Variants in MACROD2 observed in about 807,000 individuals in gnomAD.
MACROD2 encodes mono-ADP ribosylhydrolase 2.
In MACROD2, 36 loss-of-function variants were observed where a neutral mutation model predicts 70.4. The ratio of observed to expected loss-of-function variants is 0.51; its 90% CI spans 0.39 to 0.68. The LOEUF (loss-of-function observed/expected upper bound fraction) is 0.68. Ranked by LOEUF, MACROD2 falls within the 30% of genes least tolerant of loss-of-function variation. The probability of loss-of-function intolerance (pLI) is 0.00; values close to 1 mark genes in which losing one functional copy is unlikely to be tolerated. For synonymous variants in MACROD2, 172 were observed against 178.8 expected, an observed-to-expected ratio of 0.96 and a Z score of 0.30; for missense variants, 496 against 538.4, an observed-to-expected ratio of 0.92 and a Z score of 0.78.
chr20:15,774,511 A>G (rs538876638), intron 8 of MACROD2, among the ~76,000 whole-genome samples: 2 of 152,118 alleles, frequency 1.3e-5, no homozygotes, highest in Non-Finnish European at 2.9e-5. Flanking sequence ...GATGGGTCCA[A>G]ATTCCCCAAG....
At chr20:15,139,002 C>T (rs573958454) in intron 5 of MACROD2, among the ~76,000 whole-genome samples, 3 of 152,210 alleles carry the variant, frequency 2.0e-5, no homozygotes, top group African/African-American at 4.8e-5. Flanking sequence ...CAGAATTGTA[C>T]CGTAAAAGCA....
chr20:14,906,395 G>T (rs1472774277), intron 5 of MACROD2, among the ~76,000 whole-genome samples: 1 of 152,302 alleles, frequency 6.6e-6, no homozygotes, highest in East Asian at 1.9e-4. Flanking sequence ...TGGGGAGGCT[G>T]AGGCAGGAGA....
intron 5 of MACROD2, among the ~76,000 whole-genome samples, chr20:15,215,536 A>G (rs915730709): frequency 1.3e-4 from 20 of 152,054 alleles, no homozygotes; most frequent in African/African-American, 4.8e-4. Context: ...TTACAAATAA[A>G]ACCCTGATGA....
At chr20:15,360,538 T>C (rs1403139336) in intron 6 of MACROD2, among the ~76,000 whole-genome samples, 1 of 152,168 alleles carries the variant, frequency 6.6e-6, no homozygotes, top group African/African-American at 2.4e-5. Context: ...TGCTTGACTA[T>C]ATGTTATAAA....
intron 15 of MACROD2, among the ~76,000 whole-genome samples, chr20:15,998,228 G>T (rs939212867): frequency 6.6e-6 from 1 of 152,120 alleles, no homozygotes; most frequent in Non-Finnish European, 1.5e-5. Flanking sequence ...TCTTCAATTT[G>T]TTTGGAAGAG....
At chr20:14,322,344 A>T (rs1035186728) in intron 3 of MACROD2, among the ~76,000 whole-genome samples, 5 of 150,496 alleles carry the variant, frequency 3.3e-5, no homozygotes, top group Non-Finnish European at 7.4e-5. Context: ...TGTATTTTAG[A>T]ACATACACAA....
chr20:15,273,661 A>G (rs904863520), intron 6 of MACROD2, among the ~76,000 whole-genome samples: 21 of 152,166 alleles, frequency 1.4e-4, no homozygotes, highest in African/African-American at 4.6e-4. Context: ...ATGGGTAGCT[A>G]AGGTGACTGA....
rs548445522 is a variant in MACROD2, at chr20:15,430,833, A to G, written c.541-572A>G. On this transcript the variant is annotated intron_variant, in intron 6 of 17. Coordinates refer to ENST00000684519, the MANE Select transcript of MACROD2 (RefSeq NM_001351661.2). ...TAAATAGTTTTTTGATTTTCACAGA[A>G]TGCTTTTGTTGAATTTTACCTAAAA... is the stretch of plus-strand genomic sequence containing the variant. 2.0e-5 allele frequency among the ~76,000 whole-genome samples: 3 copies of G among 152,074 alleles called. No homozygotes were observed. In the South Asian group the frequency reaches 6.2e-4, roughly 31 times the overall value.
intron 7 of MACROD2, among the ~76,000 whole-genome samples, chr20:15,496,034 A>C (rs2047293212): frequency 6.6e-6 from 1 of 152,216 alleles, no homozygotes; most frequent in Admixed American, 6.5e-5. Context: ...GTTGCAGTGG[A>C]GGAAACAAAG....
chr20:15,744,836 T>G (rs894055680), intron 8 of MACROD2, among the ~76,000 whole-genome samples: 1 of 152,162 alleles, frequency 6.6e-6, no homozygotes, highest in Non-Finnish European at 1.5e-5. Context: ...TTAAAATTTT[T>G]TATTTATTTT....
chr20:14,359,172 A>T (rs1427581436), intron 3 of MACROD2, among the ~76,000 whole-genome samples: 1 of 152,022 alleles, frequency 6.6e-6, no homozygotes, highest in Non-Finnish European at 1.5e-5. Context: ...TGGGCGACAG[A>T]GCAAGACTCT....
chr20:14,934,537 A>T (rs1467961294), intron 5 of MACROD2, among the ~76,000 whole-genome samples: 1 of 152,214 alleles, frequency 6.6e-6, no homozygotes, highest in Non-Finnish European at 1.5e-5. Context: ...CTATAATCCC[A>T]GCACTTTGGG....
At chr20:15,053,352 G>C (rs1166248764) in intron 5 of MACROD2, among the ~76,000 whole-genome samples, 1 of 152,164 alleles carries the variant, frequency 6.6e-6, no homozygotes, top group Non-Finnish European at 1.5e-5. Context: ...CAAAGGGCAG[G>C]CTGAGTCTAT....
chr20:15,208,331 T>C (rs2076729415), intron 5 of MACROD2, among the ~76,000 whole-genome samples: 1 of 152,208 alleles, frequency 6.6e-6, no homozygotes, highest in South Asian at 2.1e-4. Flanking sequence ...GTTTCAAGCA[T>C]GTACATAACT....
In MACROD2 at chr20:14,863,433, A is replaced by T. The variant is rs532694713; in HGVS notation, c.418+178474A>T. Among the ~76,000 whole-genome samples, 5 of 152,266 alleles carry T rather than the reference A, an allele frequency of 3.3e-5. No homozygotes were observed. The East Asian group carries it at 5.8e-4, about 18-fold the overall frequency. On this transcript the variant is annotated intron_variant, in intron 5 of 17. Coordinates refer to ENST00000684519, the MANE Select transcript of MACROD2 (RefSeq NM_001351661.2). ...GGAACGATTCTTACAGGTGTTGTGA[A>T]CACGACTATTTTATATCAAATGCTT... is the stretch of plus-strand genomic sequence containing the variant.
At chr20:14,138,762 T>TA (rs1569175737) in intron 3 of MACROD2, among the ~76,000 whole-genome samples, 5 of 81,698 alleles carry the variant, frequency 6.1e-5, no homozygotes, top group African/African-American at 1.1e-4. Context: ...TCTTAAGTTT[T>TA]CCACACACAC....
At chr20:15,834,205 T>C (rs539955719) in intron 8 of MACROD2, among the ~76,000 whole-genome samples, 1 of 152,252 alleles carries the variant, frequency 6.6e-6, no homozygotes. Context: ...CTGGGTGTGG[T>C]GGTGGGCACC....
intron 4 of MACROD2, among the ~76,000 whole-genome samples, chr20:14,545,665 A>G (rs6079484): frequency 0.12 from 17,975 of 152,188 alleles, 1,528 homozygotes; most frequent in Non-Finnish European, 0.16. Context: ...TAACATCTAA[A>G]TGCTTTGTTT....
At chr20:15,425,598 A>G (rs999831282) in intron 6 of MACROD2, among the ~76,000 whole-genome samples, 2 of 152,240 alleles carry the variant, frequency 1.3e-5, no homozygotes, top group African/African-American at 4.8e-5. Context: ...GAAAAATTCT[A>G]GAGGTTAAGA....
Sources: allele counts gnomAD v4.1 joint callset (sites outside exome capture counted in the v4.1 genomes callset), GRCh38; gene constraint gnomAD v4.1.1; transcripts MANE v1.5; gene names NCBI Gene and HGNC (gene_info 2026-07-23, HGNC 2026-07-21).